NR5A2: variants seen among roughly 807,000 people sequenced by gnomAD.
The protein encoded by NR5A2 is nuclear receptor subfamily 5 group A member 2.
NR5A2 carries 26 observed loss-of-function variants against 62.7 expected under a neutral mutation model. The observed-to-expected ratio is 0.41, with a 90% CI of 0.30 to 0.58. NR5A2 has a LOEUF of 0.58. Among genes scored for constraint, NR5A2 ranks in the 20% least tolerant of loss-of-function variants. NR5A2 has a pLI of 0.22. For missense variants in NR5A2, 541 were observed against 669.1 expected (o/e 0.81, Z 2.11); for synonymous variants, 246 against 241.7 (o/e 1.02, Z -0.16).
chr1:200,108,878 G>A (rs2821324), intron 5 of NR5A2, among the ~76,000 whole-genome samples: 64,638 of 152,082 alleles, frequency 0.43, 14,263 homozygotes, highest in East Asian at 0.68. Flanking sequence ...TTGCTAGGAC[G>A]TTAGGCCACA....
At chr1:200,089,785 A>G (rs954878852) in intron 5 of NR5A2, among the ~76,000 whole-genome samples, 1 of 152,160 alleles carries the variant, frequency 6.6e-6, no homozygotes, top group South Asian at 2.1e-4. Context: ...TCTTTCTTGC[A>G]CTGTCAAACA....
intron 5 of NR5A2, among the ~76,000 whole-genome samples, chr1:200,063,085 G>T (rs947677006): frequency 4.0e-5 from 6 of 151,132 alleles, no homozygotes; most frequent in Middle Eastern, 3.4e-3. Flanking sequence ...GTGCAGTGTC[G>T]CGATTTCGGC....
intron 7 of NR5A2, among the ~76,000 whole-genome samples, chr1:200,173,714 G>T (rs527901331): frequency 8.5e-5 from 13 of 152,262 alleles, no homozygotes; most frequent in African/African-American, 2.9e-4. Flanking sequence ...AGTTGACCTT[G>T]CTCAAAATCC....
In NR5A2 at chr1:200,052,742, C is replaced by T. The variant is rs865919141; in HGVS notation, c.1110+3924C>T. Among the ~76,000 whole-genome samples, 16 of 151,978 alleles carry T rather than the reference C, an allele frequency of 1.1e-4. No individual in the cohort carries two copies. The Middle Eastern group carries it at 0.01, about 97-fold the overall frequency. On this transcript the variant is annotated intron_variant, in intron 5 of 7. Transcript: ENST00000367362. ...TTGCAAGCTCCGCCTCTTGGGTTCA[C>T]GCCATTCTCCTGCCTCAGCCTCCTG...
intron 5 of NR5A2, among the ~76,000 whole-genome samples, chr1:200,059,964 C>T (rs988073418): frequency 2.6e-5 from 4 of 152,164 alleles, no homozygotes; most frequent in Non-Finnish European, 5.9e-5. Flanking sequence ...CGTCACCTAA[C>T]CCAGCAGTTA....
Position 200,068,484 on chromosome 1 carries a change from T to A in NR5A2, c.1110+19666T>A, listed in dbSNP as rs552749931. On this transcript the variant is annotated intron_variant, in intron 5 of 7. Transcript: ENST00000367362. ...AAAATTGATAATATTTTGTCTGATA[T>A]CTTTGAAGTTGAAAAGGCTTCTTGC... Among the ~76,000 whole-genome samples the A allele has an allele frequency of 3.2e-4, 48 of 152,340 alleles. 1 individual carries two copies. In the South Asian group the frequency reaches 9.5e-3, roughly 30 times the overall value.
chr1:200,030,209 G>C (rs557477176), intron 1 of NR5A2, among the ~76,000 whole-genome samples: 1 of 152,148 alleles, frequency 6.6e-6, no homozygotes, highest in Non-Finnish European at 1.5e-5. Flanking sequence ...AACCGAGCCC[G>C]GTGTATGTAG....
At chr1:200,124,830 G>A (rs1352766344) in intron 7 of NR5A2, among the ~76,000 whole-genome samples, 1 of 152,110 alleles carries the variant, frequency 6.6e-6, no homozygotes, top group East Asian at 1.9e-4. Context: ...TACTTGGGAG[G>A]ATGAGGTGGG....
At chr1:200,172,932 G>A (rs1315272550) in intron 7 of NR5A2, among the ~76,000 whole-genome samples, 1 of 152,082 alleles carries the variant, frequency 6.6e-6, no homozygotes, top group African/African-American at 2.4e-5. Context: ...CTGAGCATGG[G>A]TGTATGTAAA....
chr1:200,032,694 T>C (rs1488367662), intron 1 of NR5A2, among the ~76,000 whole-genome samples: 2 of 152,194 alleles, frequency 1.3e-5, no homozygotes, highest in African/African-American at 2.4e-5. Context: ...CAGCGTAATA[T>C]ATTTCTTTCC....
intron 6 of NR5A2, among the ~76,000 whole-genome samples, chr1:200,112,126 T>C (rs116381523): frequency 2.3e-3 from 345 of 151,898 alleles, no homozygotes; most frequent in African/African-American, 8.1e-3. Flanking sequence ...TCAACACTCA[T>C]CCACAGACAT....
chr1:200,072,398 AC>A (rs1326854734), intron 5 of NR5A2, among the ~76,000 whole-genome samples: 2 of 152,182 alleles, frequency 1.3e-5, no homozygotes, highest in Non-Finnish European at 2.9e-5. Flanking sequence ...AGTATCTAAG[AC>A]AAAATTTGAA....
At chr1:200,144,401 G>C (rs1459358884) in intron 7 of NR5A2, among the ~76,000 whole-genome samples, 1 of 151,972 alleles carries the variant, frequency 6.6e-6, no homozygotes, top group East Asian at 1.9e-4. Context: ...TGAGCAATTT[G>C]ATCTTCCTGG....
chr1:200,104,672 A>AT (rs1248842255), intron 5 of NR5A2, among the ~76,000 whole-genome samples: 21 of 151,442 alleles, frequency 1.4e-4, no homozygotes, highest in Non-Finnish European at 2.1e-4. Flanking sequence ...TTTTCTATTT[A>AT]TTTTTTTTGA....
intron 5 of NR5A2, among the ~76,000 whole-genome samples, chr1:200,060,003 A>G (rs1459080128): frequency 6.6e-6 from 1 of 152,028 alleles, no homozygotes; most frequent in African/African-American, 2.4e-5. Flanking sequence ...GATACTTAAA[A>G]CTTAACTCCC....
intron 7 of NR5A2, among the ~76,000 whole-genome samples, chr1:200,158,847 A>G (rs1191131353): frequency 6.6e-6 from 1 of 151,710 alleles, no homozygotes; most frequent in African/African-American, 2.4e-5. Flanking sequence ...GGAAAGCAAA[A>G]TTCCCTATCC....
chr1:200,117,279 G>A (rs937590839), intron 6 of NR5A2, among the ~76,000 whole-genome samples: 1 of 152,204 alleles, frequency 6.6e-6, no homozygotes, highest in Non-Finnish European at 1.5e-5. Context: ...TAAAATGTAA[G>A]GAAGTTGGAG....
chr1:200,110,794 C>T (rs1484694388), intron 5 of NR5A2, among the ~76,000 whole-genome samples: 1 of 152,142 alleles, frequency 6.6e-6, no homozygotes, highest in African/African-American at 2.4e-5. Flanking sequence ...TTCAGCTTCA[C>T]TTTAATGTAC....
Position 200,177,053 on chromosome 1 carries a change from A to C in NR5A2, c.*2843A>C, listed in dbSNP as rs568516438. On this transcript the variant is annotated 3_prime_UTR_variant, in exon 8 of 8. Transcript: ENST00000367362. ...CAAGGTTGACAAGTGAAGTTTCTCTAATGTTGATTGTTAGCCGATTTGTAA... is the reference window on the plus strand; with the variant it reads ...CAAGGTTGACAAGTGAAGTTTCTCTCATGTTGATTGTTAGCCGATTTGTAA... The C allele has an allele frequency of 6.6e-6, 1 of 152,282 alleles. No individual in the cohort carries two copies. The highest frequency in any genetic ancestry group is 2.4e-5 in the African/African-American group (1 of 41,556). 9.4% of individuals were successfully genotyped at this position (152,282 alleles called of 1,614,324 possible).
Sources: allele counts gnomAD v4.1 joint callset (sites outside exome capture counted in the v4.1 genomes callset), GRCh38; gene constraint gnomAD v4.1.1; transcripts MANE v1.5; gene names NCBI Gene and HGNC (gene_info 2026-07-23, HGNC 2026-07-21).